EEF1D: variants seen among roughly 807,000 people sequenced by gnomAD.
The protein encoded by EEF1D is eukaryotic translation elongation factor 1 delta.
In EEF1D, 47 loss-of-function variants were observed where a neutral mutation model predicts 63.9. The ratio of observed to expected loss-of-function variants is 0.74; its 90% confidence interval spans 0.58 to 0.94. The LOEUF is 0.94. EEF1D is among the 40% of genes least tolerant of loss of function. EEF1D has a pLI of 0.00. For missense variants in EEF1D, 907 were observed against 899.0 expected (o/e 1.01, Z -0.11); for synonymous variants, 412 against 386.1 (o/e 1.07, Z -0.79).
intron 2 of EEF1D, chr8:143,592,084 C>T: frequency 1.0e-6 from 1 of 985,312 alleles, no homozygotes; most frequent in Non-Finnish European, 1.2e-6. Context: ...TGGGGCAGCA[C>T]TTACCAAGGC....
rs756325993 is a variant in EEF1D at position 143,588,993 on chromosome 8, G to C, written c.1089C>G (p.Pro363=). ...CCCACCCAGCACGTTTCTCCTACTT[G>C]GGTCTCAGGCTGGACACGGACAGGC... ...RSGLSVSSLR[P]NRKMATNFLA... Residue 363 remains proline, a splice_region_variant and synonymous_variant, in exon 3 of 10, where the codon CCC becomes CCG. Transcript: ENST00000618139. The C allele has an allele frequency of 1.1e-5, 18 of 1,595,290 alleles. No homozygotes were observed. The highest frequency in any genetic ancestry group is 1.5e-5 in the Non-Finnish European group (18 of 1,178,928).
intron 2 of EEF1D, chr8:143,591,955 C>T (rs1003267979): frequency 4.1e-5 from 36 of 882,318 alleles, no homozygotes; most frequent in African/African-American, 7.3e-5. Context: ...GCATGTGGCC[C>T]GAATCCCGCA....
intron 3 of EEF1D, chr8:143,587,191 A>G: frequency 5.3e-6 from 1 of 190,168 alleles, no homozygotes; most frequent in Non-Finnish European, 1.1e-5. Flanking sequence ...AGAGATTTGC[A>G]AAAACCTCAA....
chr8:143,588,760 C>T lies in EEF1D; in HGVS notation c.1091+231G>A, dbSNP rs191239541. 1,525 of 610,000 alleles carry T rather than the reference C, an allele frequency of 2.5e-3. 13 individuals carry two copies. The highest frequency in any genetic ancestry group is 1.7e-3 in the Non-Finnish European group (600 of 355,650). The allele number at this position is 610,000 out of a possible 1,614,324, so 37.8% of individuals were successfully genotyped here. On this transcript the variant is annotated intron_variant, in intron 3 of 9. Transcript: ENST00000618139. ...GCCCTGTGCTGAGCCCTTCCCTGCCCTCATCCAGGCAGCCTGGAACTTTGT... is the reference window on the plus strand; with the variant it reads ...GCCCTGTGCTGAGCCCTTCCCTGCCTTCATCCAGGCAGCCTGGAACTTTGT...
At chr8:143,593,360 A>G (rs1377764074) in intron 1 of EEF1D, among the ~76,000 whole-genome samples, 1 of 152,138 alleles carries the variant, frequency 6.6e-6, no homozygotes, top group Non-Finnish European at 1.5e-5. Flanking sequence ...ATCTCACCAG[A>G]GCCACCTCAT....
Position 143,588,818 on chromosome 8 carries a change from G to A in EEF1D, c.1091+173C>T, listed in dbSNP as rs528358959. 51 of 882,868 alleles carry A rather than the reference G, an allele frequency of 5.8e-5. No individual in the cohort carries two copies. In the East Asian group the frequency reaches 8.6e-4, roughly 15 times the overall value. 54.7% of individuals were successfully genotyped at this position (882,868 alleles called of 1,614,324 possible). ...AGCAGTGTCCCTGGAACCCACAAGC[G>A]CAGCACCACCTTTACTCAGCCTGCT... On this transcript the variant is annotated intron_variant, in intron 3 of 9. Transcript: ENST00000618139.
chr8:143,586,371 T>C (rs987357450), intron 4 of EEF1D, 81 bp from the exon 5 acceptor site: 29 of 1,303,390 alleles, frequency 2.2e-5, no homozygotes, highest in African/African-American at 4.5e-5. Context: ...AAAAACCCCA[T>C]GAACCCTCAC....
chr8:143,583,452 C>G (rs73379023), intron 5 of EEF1D: 2 of 152,340 alleles, frequency 1.3e-5, no homozygotes, highest in South Asian at 2.1e-4. Flanking sequence ...AGCCCCCGAC[C>G]GCTGCCTTCT....
rs78369219 is a variant in EEF1D, at chr8:143,591,927, A to C, written c.-1+720T>G. ...CTGCACTCTGCAGCCTCTAAGTGGAACATGGAGTTCTTTGCGGGCATGTGG... is the reference window on the plus strand; with the variant it reads ...CTGCACTCTGCAGCCTCTAAGTGGACCATGGAGTTCTTTGCGGGCATGTGG... On this transcript the variant is annotated intron_variant, in intron 2 of 9. Coordinates refer to ENST00000618139, the MANE Select transcript of EEF1D (RefSeq NM_001130053.5). 9.2e-4 allele frequency among the ~76,000 whole-genome samples: 140 copies of C among 152,314 alleles called. 1 individual carries two copies. The East Asian group carries it at 0.015, about 17-fold the overall frequency.
At chr8:143,580,873 A>G in intron 7 of EEF1D, 146 bp from the exon 8 acceptor site, 2 of 1,161,650 alleles carry the variant, frequency 1.7e-6, no homozygotes, top group South Asian at 1.4e-5. Flanking sequence ...GCAGGGCCCC[A>G]GGAAAGACAA....
In EEF1D at chr8:143,589,887, G is replaced by A. The variant is rs1587202138; in HGVS notation, c.195C>T (p.Ala65=). 1 of 1,598,944 alleles carries A rather than the reference G, an allele frequency of 6.3e-7. No individual in the cohort carries two copies. Residue 65 remains alanine (A), a synonymous_variant, in exon 3 of 10, where the codon GCC becomes GCT. Transcript: ENST00000618139. The stretch of plus-strand genomic sequence containing the variant: ...GATCACGCCTGCTGCCGCCGTCAGG[G>A]GCTTCCGCCTCATCAGCGTCCTCAG... ...DDPEDADEAE[A]PDGGSRRDPR...
At chr8:143,592,021 A>G in intron 2 of EEF1D, 1 of 984,082 alleles carries the variant, frequency 1.0e-6, no homozygotes, top group Non-Finnish European at 1.2e-6. Context: ...ATGGGAGGCC[A>G]CAGGGCCCAT....
At position 143,589,783 on chromosome 8, in the gene EEF1D, T is replaced by C. The variant is rs777013173; in HGVS notation, c.299A>G (p.Asp100Gly). The C allele has an allele frequency of 7.8e-5, 122 of 1,569,542 alleles. No homozygotes were observed. The highest frequency in any genetic ancestry group is 1.0e-4 in the Non-Finnish European group (121 of 1,159,388). ...RSPKSGLGPA[D>G]LALLGLSAER... is the part of the protein sequence containing the mutation. ...GGCCGAGAGGCCCAGGAGGGCCAGG[T>C]CCGCGGGGCCGAGCCCGCTCTTGGG... is the stretch of plus-strand genomic sequence containing the variant. Residue 100 changes from aspartate (D) to glycine (G), a missense_variant, in exon 3 of 10, where the codon GAC (aspartate) becomes GGC (glycine). Coordinates refer to ENST00000618139, the MANE Select transcript of EEF1D (RefSeq NM_001130053.5).
At position 143,586,256 on chromosome 8, in the gene EEF1D, G is replaced by C; in HGVS notation, c.1250C>G (p.Ala417Gly). ...TTTCTGGATGTTCTCTCTGGCTCTC[G>C]CAATGTCACGGAGGATCACGCTGGC... is the stretch of plus-strand genomic sequence containing the variant. Reference protein sequence around the residue: ...NGASVILRDIARARENIQKSL... With the variant: ...NGASVILRDIGRARENIQKSL... The change falls in exon 5 of 10, where the codon GCG becomes GGG. Residue 417 changes from alanine to glycine, a missense_variant. By Grantham distance (60) the Ala-to-Gly change is moderately conservative. Transcript: ENST00000618139. 6.2e-7 allele frequency: 1 copy of C among 1,608,952 alleles called. No individual in the cohort carries two copies. The highest frequency in any genetic ancestry group is 8.5e-7 in the Non-Finnish European group (1 of 1,178,488).
intron 5 of EEF1D, 36 bp downstream of exon 5, chr8:143,586,183 C>T: frequency 6.3e-7 from 1 of 1,580,250 alleles, no homozygotes; most frequent in Non-Finnish European, 8.6e-7. Flanking sequence ...CTTGGCCGAG[C>T]AGGAGCCCGC....
At chr8:143,580,244 C>T in intron 8 of EEF1D, 38 bp from the exon 9 acceptor site, 1 of 1,595,188 alleles carries the variant, frequency 6.3e-7, no homozygotes, top group Non-Finnish European at 8.6e-7. Context: ...GGTCAGCCAC[C>T]CTCAGAACAC....
At position 143,580,045 on chromosome 8, in the gene EEF1D, C is replaced by A. The variant is rs1825056119; in HGVS notation, c.1872G>T (p.Leu624Phe). 4.3e-6 allele frequency: 7 copies of A among 1,613,870 alleles called. No homozygotes were observed. The highest frequency in any genetic ancestry group is 1.3e-5 in the African/African-American group (1 of 74,924). The change falls in exon 9 of 10, where the codon TTG (leucine) becomes TTT (phenylalanine). Residue 624 changes from leucine (L) to phenylalanine (F), a missense_variant. Leu to Phe is a conservative substitution (Grantham distance 22). Coordinates refer to ENST00000618139, the MANE Select transcript of EEF1D (RefSeq NM_001130053.5). ...CAAACTTGGTGATCTCCTCCTCCAG[C>A]AAGTCTGTCCCCACCTTGTCGTCCT... ...VVEDDKVGTD[L>F]LEEEITKFEE...
intron 1 of EEF1D, among the ~76,000 whole-genome samples, chr8:143,593,546 A>G (rs1289233415): frequency 1.3e-5 from 2 of 151,972 alleles, no homozygotes; most frequent in Non-Finnish European, 1.5e-5. Context: ...GGCCCTGCCC[A>G]CCTCTGTGCA....
Position 143,589,107 on chromosome 8 carries a change from G to A in EEF1D, c.975C>T (p.Ala325=), listed in dbSNP as rs373708948. The A allele has an allele frequency of 9.9e-6, 16 of 1,610,038 alleles. No individual in the cohort carries two copies. Among genetic ancestry groups the A allele is most frequent in the East Asian group, 4.5e-5 (2 of 44,810 alleles). Residue 325 remains alanine (A), a synonymous_variant, in exon 3 of 10, where the codon GCC becomes GCT. Coordinates refer to ENST00000618139, the MANE Select transcript of EEF1D (RefSeq NM_001130053.5). ...PWLSKPAYDS[A]ECRHHAAEAL... ...CCTCGGCAGCGTGGTGGCGGCACTC[G>A]GCGCTGTCGTAGGCAGGCTTGCTGA... is the stretch of plus-strand genomic sequence containing the variant.
Sources: allele counts gnomAD v4.1 joint callset (sites outside exome capture counted in the v4.1 genomes callset), GRCh38; gene constraint gnomAD v4.1.1; transcripts MANE v1.5; gene names NCBI Gene and HGNC (gene_info 2026-07-23, HGNC 2026-07-21).